The following TECPR2 variants were observed in gnomAD, a reference collection of about 807,000 sequenced individuals.
TECPR2 encodes the protein tectonin beta-propeller repeat-containing protein 2.
A neutral mutation model predicts 138.1 loss-of-function variants in TECPR2; 65 were observed. The observed-to-expected ratio is 0.47, with a 90% CI of 0.39 to 0.58. The LOEUF is 0.58. TECPR2 is among the 20% of genes least tolerant of loss of function. The pLI, the probability that TECPR2 is intolerant of heterozygous loss-of-function variation, is 0.00. For missense variants in TECPR2, 1,553 were observed against 1,824.5 expected, an observed-to-expected ratio of 0.85 and a Z score of 2.71; for synonymous variants, 746 against 749.8, an observed-to-expected ratio of 0.99 and a Z score of 0.08.
chr14:102,452,712 GC>G, intron 16 of TECPR2, 85 bp downstream of exon 16: 2 of 1,103,118 alleles, frequency 1.8e-6, no homozygotes. Flanking sequence ...AAACTGCCCG[GC>G]CTGTGTCCAA....
intron 2 of TECPR2, among the ~76,000 whole-genome samples, chr14:102,403,528 C>T (rs886557907): frequency 5.3e-5 from 8 of 152,092 alleles, no homozygotes; most frequent in African/African-American, 1.9e-4. Context: ...TAGCCAGAGT[C>T]ATTAGCCAAG....
chr14:102,444,201 T>G (rs77362648), intron 12 of TECPR2, among the ~76,000 whole-genome samples: 1 of 151,744 alleles, frequency 6.6e-6, no homozygotes, highest in Non-Finnish European at 1.5e-5. Flanking sequence ...GTAGCTTTTT[T>G]TTTTTTTTTT....
At chr14:102,440,946 TA>T (rs35361715) in intron 11 of TECPR2, among the ~76,000 whole-genome samples, 30 of 151,830 alleles carry the variant, frequency 2.0e-4, no homozygotes, top group Admixed American at 2.0e-3. Flanking sequence ...AGGAAGGACA[TA>T]AAATTCATTT....
chr14:102,382,991 C>T (rs1887880618), intron 2 of TECPR2, among the ~76,000 whole-genome samples: 1 of 152,174 alleles, frequency 6.6e-6, no homozygotes, highest in Non-Finnish European at 1.5e-5. Context: ...CGCCAGACTT[C>T]AGGTGATCCA....
chr14:102,380,885 C>T (rs969778011), intron 2 of TECPR2, among the ~76,000 whole-genome samples: 20 of 151,062 alleles, frequency 1.3e-4, no homozygotes, highest in Non-Finnish European at 2.5e-4. Context: ...TCACCATGTT[C>T]ACCAGGATGG....
intron 17 of TECPR2, among the ~76,000 whole-genome samples, chr14:102,479,689 G>A (rs893891655): frequency 2.6e-5 from 4 of 152,178 alleles, no homozygotes; most frequent in Non-Finnish European, 5.9e-5. Context: ...AATCCATGCT[G>A]GCGTCCCAGC....
chr14:102,374,562 G>A (rs1355546760), intron 1 of TECPR2, among the ~76,000 whole-genome samples: 1 of 152,118 alleles, frequency 6.6e-6, no homozygotes, highest in Non-Finnish European at 1.5e-5. Flanking sequence ...AGGAGTTGGA[G>A]ACCAGCCTAG....
At chr14:102,382,543 C>A (rs1157882698) in intron 2 of TECPR2, among the ~76,000 whole-genome samples, 1 of 152,146 alleles carries the variant, frequency 6.6e-6, no homozygotes, top group Admixed American at 6.5e-5. Context: ...AAGAACTGAA[C>A]AACACCATCA....
chr14:102,483,791 CTTTTTTTTTTT>C (rs71119708), intron 17 of TECPR2, among the ~76,000 whole-genome samples: 1 of 92,468 alleles, frequency 1.1e-5, no homozygotes, highest in African/African-American at 4.3e-5. Flanking sequence ...TTTTCCTTTT[CTTTTTTTTTTT>C]TTTTTTTTTT....
chr14:102,391,279 C>T (rs546287292), intron 2 of TECPR2, among the ~76,000 whole-genome samples: 12 of 152,100 alleles, frequency 7.9e-5, no homozygotes, highest in African/African-American at 2.2e-4. Context: ...AGGCTGGTCT[C>T]GAACTCCTGA....
intron 2 of TECPR2, among the ~76,000 whole-genome samples, chr14:102,377,488 T>C (rs1597766582): frequency 6.6e-6 from 1 of 152,168 alleles, no homozygotes; most frequent in East Asian, 1.9e-4. Flanking sequence ...GAATATCACC[T>C]GAGGTCAGGA....
chr14:102,401,770 A>G (rs1463813729), intron 2 of TECPR2, among the ~76,000 whole-genome samples: 1 of 128,848 alleles, frequency 7.8e-6, no homozygotes. Context: ...GCACCACTGT[A>G]CTCCAGCCTG....
intron 2 of TECPR2, among the ~76,000 whole-genome samples, chr14:102,386,091 CTGAGTATCA>C (rs1887993149): frequency 1.3e-5 from 2 of 152,032 alleles, no homozygotes; most frequent in Non-Finnish European, 2.9e-5. Context: ...CTTGGTAGCC[CTGAGTATCA>C]ACAGCATTTT....
chr14:102,384,778 A>G (rs1887949129), intron 2 of TECPR2, among the ~76,000 whole-genome samples: 1 of 148,450 alleles, frequency 6.7e-6, no homozygotes, highest in Non-Finnish European at 1.5e-5. Flanking sequence ...TATATCTCAC[A>G]TGGTCACATG....
chr14:102,480,211 G>GT (rs781152101), intron 17 of TECPR2, among the ~76,000 whole-genome samples: 510 of 71,252 alleles, frequency 7.2e-3, no homozygotes, highest in African/African-American at 9.0e-3. Flanking sequence ...ATCTTGGTTG[G>GT]TTTTTTTTTT....
chr14:102,498,840 A>G lies in TECPR2; in HGVS notation c.*583A>G, dbSNP rs1486315044. The G allele has an allele frequency of 3.2e-6, 2 of 621,908 alleles. No homozygotes were observed. The highest frequency in any genetic ancestry group is 6.0e-6 in the Non-Finnish European group (2 of 331,452). The allele number at this position is 621,908 out of a possible 1,614,324, so 38.5% of individuals were successfully genotyped here. A position where few individuals can be genotyped will look rare whatever the true frequency, so the allele number is the denominator to read the frequency against. On this transcript the variant is annotated 3_prime_UTR_variant, in exon 20 of 20. Transcript: ENST00000359520. ...AGGAGAGCGCTGGCCATGCCAGGAG[A>G]GAACCCACGCACATGCACACCACAA...
intron 17 of TECPR2, among the ~76,000 whole-genome samples, chr14:102,496,342 G>A (rs1436108677): frequency 6.6e-6 from 1 of 152,234 alleles, no homozygotes; most frequent in East Asian, 1.9e-4. Context: ...GGGAAGCCCT[G>A]GGGCAAACTG....
chr14:102,468,241 G>A (rs989561106), intron 17 of TECPR2, among the ~76,000 whole-genome samples: 5 of 152,180 alleles, frequency 3.3e-5, no homozygotes, highest in African/African-American at 1.2e-4. Flanking sequence ...AGGCTGGAGT[G>A]CAGTGGCATG....
At chr14:102,441,689 TCAAAA>T (rs949153118) in intron 11 of TECPR2, among the ~76,000 whole-genome samples, 9 of 151,952 alleles carry the variant, frequency 5.9e-5, no homozygotes, top group Admixed American at 2.0e-4. Flanking sequence ...AGACTCCGTC[TCAAAA>T]CAAAACAAAA....
Sources: allele counts gnomAD v4.1 joint callset (sites outside exome capture counted in the v4.1 genomes callset), GRCh38; gene constraint gnomAD v4.1.1; transcripts MANE v1.5; gene names NCBI Gene and HGNC (gene_info 2026-07-23, HGNC 2026-07-21).